NR5A1: variants seen among roughly 807,000 people sequenced by gnomAD.
The protein encoded by NR5A1 is steroidogenic factor 1.
In NR5A1, 6 loss-of-function variants were observed where a neutral mutation model predicts 42.7. The observed-to-expected ratio is 0.14, with a 90% CI of 0.08 to 0.28. NR5A1 has a LOEUF of 0.28. NR5A1 is among the 10% of genes least tolerant of loss of function. The pLI is 1.00. For synonymous variants in NR5A1, 274 were observed against 277.5 expected (o/e 0.99, Z 0.12); for missense variants, 442 against 626.4 (o/e 0.71, Z 3.14).
intron 6 of NR5A1, 45 bp downstream of exon 6, chr9:124,491,036 C>CCCCCCCCCGGG: frequency 1.7e-5 from 24 of 1,401,558 alleles, no homozygotes; most frequent in African/African-American, 2.9e-5. Flanking sequence ...CCCACCCACC[C>CCCCCCCCCGGG]GCCTCTGGCT....
intron 3 of NR5A1, among the ~76,000 whole-genome samples, chr9:124,502,672 G>A (rs1346309374): frequency 1.3e-5 from 2 of 152,236 alleles, no homozygotes; most frequent in East Asian, 1.9e-4. Context: ...GAGAGGTTAA[G>A]GATTTTGCCC....
In NR5A1 at chr9:124,502,609, T is replaced by C. The variant is rs116382121; in HGVS notation, c.244+470A>G. On this transcript the variant is annotated intron_variant, in intron 3 of 6. Transcript: ENST00000373588. ...CTCCCAAATGCTGGAATTACAGGCA[T>C]GAGCCGCTCCATCCGGCCAAGCCCA... Among the ~76,000 whole-genome samples, 912 of 152,346 alleles carry C rather than the reference T, an allele frequency of 6.0e-3. 7 individuals are homozygous for C. The highest frequency in any genetic ancestry group is 0.021 in the African/African-American group (863 of 41,582).
rs975927009 is a variant in NR5A1 at position 124,500,981 on chromosome 9, C to T, written c.245-266G>A. On this transcript the variant is annotated intron_variant, in intron 3 of 6. Transcript: ENST00000373588. This position sits in a 1 kb window ranked among gnomAD's most constrained non-coding sequence, Gnocchi z 6.9. ...CTCTGTTTGACACATCTCCTTCCTCCTCCACCCTGCCTTTCATTTTCCTTC... is the reference window on the plus strand; with the variant it reads ...CTCTGTTTGACACATCTCCTTCCTCTTCCACCCTGCCTTTCATTTTCCTTC... The T allele has an allele frequency of 8.4e-6, 6 of 714,308 alleles. No homozygotes were observed. In the East Asian group the frequency reaches 1.6e-4, roughly 19 times the overall value. The allele number at this position is 714,308 out of a possible 1,614,324, so 44.2% of individuals were successfully genotyped here. A position where few individuals can be genotyped will look rare whatever the true frequency, so the allele number is the denominator to read the frequency against.
At chr9:124,487,611 GC>G (rs950641253) in intron 6 of NR5A1, among the ~76,000 whole-genome samples, 3 of 152,268 alleles carry the variant, frequency 2.0e-5, no homozygotes, top group African/African-American at 7.2e-5. Context: ...CGCGAAGGAG[GC>G]GCTGAGTGAG....
At chr9:124,493,214 C>G in intron 4 of NR5A1, 65 bp from the exon 5 acceptor site, 2 of 1,557,248 alleles carry the variant, frequency 1.3e-6, no homozygotes, top group Non-Finnish European at 1.7e-6. Flanking sequence ...CCTCTCACCC[C>G]TTCTCCTCCC....
intron 4 of NR5A1, among the ~76,000 whole-genome samples, chr9:124,493,907 C>A (rs762831509): frequency 1.3e-5 from 2 of 152,208 alleles, no homozygotes; most frequent in Non-Finnish European, 2.9e-5. Context: ...AGCCAGGGAT[C>A]CCCTGGCCCC....
intron 5 of NR5A1, among the ~76,000 whole-genome samples, chr9:124,492,085 G>A (rs1255639828): frequency 2.0e-5 from 3 of 152,098 alleles, no homozygotes; most frequent in Non-Finnish European, 2.9e-5. Context: ...AGCTGGAGAT[G>A]AGCAGTGGGG....
intron 6 of NR5A1, among the ~76,000 whole-genome samples, chr9:124,487,769 C>T (rs1392277151): frequency 6.6e-6 from 1 of 152,200 alleles, no homozygotes; most frequent in East Asian, 1.9e-4. Flanking sequence ...TCCCAGTTTC[C>T]CTGGAGCCCC....
At chr9:124,492,610 C>T (rs567741707) in intron 5 of NR5A1, among the ~76,000 whole-genome samples, 8 of 152,276 alleles carry the variant, frequency 5.3e-5, no homozygotes, top group Admixed American at 2.6e-4. Context: ...CTCATGCCAC[C>T]CCCACACCGG....
intron 4 of NR5A1, 117 bp from the exon 5 acceptor site, chr9:124,493,266 C>G: frequency 7.4e-7 from 1 of 1,350,522 alleles, no homozygotes; most frequent in South Asian, 1.4e-5. Flanking sequence ...AAGCTAACCT[C>G]TCTGTGCCCA....
intron 6 of NR5A1, among the ~76,000 whole-genome samples, chr9:124,487,547 G>A (rs1832235910): frequency 6.6e-6 from 1 of 152,246 alleles, no homozygotes; most frequent in Non-Finnish European, 1.5e-5. Flanking sequence ...CTGCCTCCGC[G>A]CCCTCCCGAG....
At position 124,481,717 on chromosome 9, in the gene NR5A1, C is replaced by G. The variant is rs1006167763; in HGVS notation, c.*1041G>C. The stretch of plus-strand genomic sequence containing the variant: ...TTCCCACCCACAGAGACCTGAAGCC[C>G]CCAACAGGGCATCCTGCTGTTCACC... On this transcript the variant is annotated 3_prime_UTR_variant, in exon 7 of 7. Coordinates refer to ENST00000373588, the MANE Select transcript of NR5A1 (RefSeq NM_004959.5). 6.6e-6 allele frequency: 1 copy of G among 152,208 alleles called. No homozygotes were observed. The highest frequency in any genetic ancestry group is 2.4e-5 in the African/African-American group (1 of 41,424). 9.4% of individuals were successfully genotyped at this position (152,208 alleles called of 1,614,324 possible). A position where few individuals can be genotyped will look rare whatever the true frequency, so the allele number is the denominator to read the frequency against.
At chr9:124,484,081 G>A (rs112349713) in intron 6 of NR5A1, among the ~76,000 whole-genome samples, 2,046 of 152,262 alleles carry the variant, frequency 0.013, 45 homozygotes, top group African/African-American at 0.047. Flanking sequence ...ATCACCTGAC[G>A]CAAGCCTATT....
At position 124,496,016 on chromosome 9, in the gene NR5A1, G is replaced by A. The variant is rs575372095; in HGVS notation, c.871-2867C>T. On this transcript the variant is annotated intron_variant, in intron 4 of 6. Transcript: ENST00000373588. The surrounding 1 kb of genome is among the most constrained non-coding windows in gnomAD (Gnocchi z 5.0). The stretch of plus-strand genomic sequence containing the variant: ...AAAACGTAAGAACACACATTGGGAT[G>A]TATGGGAATCGGTGGACCTGCTGTT... Among the ~76,000 whole-genome samples, 1 of 152,328 alleles carries A rather than the reference G, an allele frequency of 6.6e-6. No homozygotes were observed. The highest frequency in any genetic ancestry group is 2.1e-4 in the South Asian group (1 of 4,818).
At chr9:124,486,833 C>T (rs570102706) in intron 6 of NR5A1, among the ~76,000 whole-genome samples, 3 of 152,382 alleles carry the variant, frequency 2.0e-5, no homozygotes, top group South Asian at 4.1e-4. Flanking sequence ...AACCTGGAGA[C>T]GCCCCCTTCA....
Position 124,482,485 on chromosome 9 carries a change from C to T in NR5A1, c.*273G>A, listed in dbSNP as rs1346530927. 4.2e-6 allele frequency: 2 copies of T among 477,614 alleles called. No individual in the cohort carries two copies. Among genetic ancestry groups the T allele is most frequent in the South Asian group, 2.1e-5 (1 of 48,486 alleles). The allele number at this position is 477,614 out of a possible 1,614,324, so 29.6% of individuals were successfully genotyped here. ...GAGAGAGCTGGGAGCAGGGAGGGGG[C>T]GGGGCGGGTGGTTAACAGCCACCTC... On this transcript the variant is annotated 3_prime_UTR_variant, in exon 7 of 7. Coordinates refer to ENST00000373588, the MANE Select transcript of NR5A1 (RefSeq NM_004959.5).
In NR5A1 at chr9:124,496,469, C is replaced by A. The variant is rs1190734562; in HGVS notation, c.871-3320G>T. ...CAGCCATCCACCCCTCCCACCGGAC[C>A]GCCACAAATCTTCCTGGAGCCTTGA... On this transcript the variant is annotated intron_variant, in intron 4 of 6. Transcript: ENST00000373588. The surrounding 1 kb of genome is among the most constrained non-coding windows in gnomAD (Gnocchi z 5.0). Among the ~76,000 whole-genome samples the A allele has an allele frequency of 6.6e-6, 1 of 152,256 alleles. No homozygotes were observed. The highest frequency in any genetic ancestry group is 1.9e-4 in the East Asian group (1 of 5,168).
Position 124,482,487 on chromosome 9 carries a change from G to A in NR5A1, c.*271C>T. 2.0e-6 allele frequency: 1 copy of A among 502,194 alleles called. No individual in the cohort carries two copies. 31.1% of individuals were successfully genotyped at this position (502,194 alleles called of 1,614,324 possible). On this transcript the variant is annotated 3_prime_UTR_variant, in exon 7 of 7. Transcript: ENST00000373588. ...GAGAGCTGGGAGCAGGGAGGGGGCG[G>A]GGCGGGTGGTTAACAGCCACCTCCT... is the stretch of plus-strand genomic sequence containing the variant.
At position 124,505,292 on chromosome 9, in the gene NR5A1, G is replaced by T. The variant is rs1275718225; in HGVS notation, c.-15-1882C>A. Among the ~76,000 whole-genome samples the T allele has an allele frequency of 2.0e-5, 3 of 152,226 alleles. No homozygotes were observed. In the East Asian group the frequency reaches 5.8e-4, roughly 29 times the overall value. ...TCCTGTCTGTGAACCCAGCTGGGTCGTGGCGAATGCCACGCGGGTGGCTGG... is the reference window on the plus strand; with the variant it reads ...TCCTGTCTGTGAACCCAGCTGGGTCTTGGCGAATGCCACGCGGGTGGCTGG... On this transcript the variant is annotated intron_variant, in intron 1 of 6. Coordinates refer to ENST00000373588, the MANE Select transcript of NR5A1 (RefSeq NM_004959.5).
Sources: allele counts gnomAD v4.1 joint callset (sites outside exome capture counted in the v4.1 genomes callset), GRCh38; gene constraint gnomAD v4.1.1; non-coding constraint Gnocchi (gnomAD v3.1); transcripts MANE v1.5; gene names NCBI Gene and HGNC (gene_info 2026-07-23, HGNC 2026-07-21).